Variants in RABL6 observed in about 807,000 individuals in gnomAD.
The protein encoded by RABL6 is RAB, member RAS oncogene family like 6.
In RABL6, 28 loss-of-function variants were observed where a neutral mutation model predicts 72.9. That is an observed-to-expected ratio of 0.38 (90% CI 0.28 to 0.53). RABL6 has a LOEUF of 0.53. RABL6 is among the 20% of genes least tolerant of loss of function. RABL6 has a pLI of 0.80. For synonymous variants in RABL6, 477 were observed against 421.2 expected (o/e 1.13, Z -1.62); for missense variants, 1,029 against 1,008.4 (o/e 1.02, Z -0.28).
chr9:136,812,691 C>A, intron 1 of RABL6: 1 of 255,996 alleles, frequency 3.9e-6, no homozygotes, highest in Admixed American at 4.1e-5. Context: ...TTGGAATGTC[C>A]TCAGAGAGCT....
At chr9:136,824,894 C>T (rs952538435) in intron 2 of RABL6, among the ~76,000 whole-genome samples, 2 of 152,236 alleles carry the variant, frequency 1.3e-5, no homozygotes, top group African/African-American at 4.8e-5. Flanking sequence ...TGGGGTGAGG[C>T]TGATGGCAGC....
intron 3 of RABL6, 80 bp downstream of exon 3, chr9:136,825,906 C>T (rs765284151): frequency 1.8e-4 from 265 of 1,497,268 alleles, no homozygotes; most frequent in Non-Finnish European, 2.1e-4. Context: ...TTTCCCCCGG[C>T]GCCCATGCAT....
chr9:136,818,378 A>ACAAAAC (rs1308596644), intron 1 of RABL6, among the ~76,000 whole-genome samples: 1 of 71,144 alleles, frequency 1.4e-5, no homozygotes, highest in Non-Finnish European at 2.6e-5. Context: ...AAAAAAAAAA[A>ACAAAAC]AAAAAAAAAA....
intron 8 of RABL6, chr9:136,837,039 A>G: frequency 2.4e-5 from 11 of 464,660 alleles, no homozygotes; most frequent in Non-Finnish European, 4.0e-5. Context: ...ACACCCGGCT[A>G]ATTTTTTTTG....
Position 136,840,834 on chromosome 9 carries a change from G to A in RABL6, c.*312G>A. On this transcript the variant is annotated 3_prime_UTR_variant, in exon 15 of 15. Coordinates refer to ENST00000311502, the MANE Select transcript of RABL6 (RefSeq NM_024718.5). ...TGTGACTGAGGCCCAGGAGGGACCT[G>A]TGAGGGTCTGTTTACAGAGGCTGGG... is the stretch of plus-strand genomic sequence containing the variant. 1 of 1,546,074 alleles carries A rather than the reference G, an allele frequency of 6.5e-7. No individual in the cohort carries two copies. Among genetic ancestry groups the A allele is most frequent in the East Asian group, 2.4e-5 (1 of 40,876 alleles).
chr9:136,832,446 G>A (rs750385378), intron 7 of RABL6, 76 bp downstream of exon 7: 3 of 1,194,720 alleles, frequency 2.5e-6, no homozygotes, highest in Non-Finnish European at 3.7e-6. Context: ...GTAGCAACGG[G>A]TCTCCCTCCT....
chr9:136,840,298 G>A (rs961953228), intron 14 of RABL6, 24 bp from the exon 15 acceptor site: 2 of 1,606,220 alleles, frequency 1.2e-6, no homozygotes, highest in Admixed American at 1.7e-5. Flanking sequence ...TGACTCCATG[G>A]CGCCCCATCC....
intron 1 of RABL6, among the ~76,000 whole-genome samples, chr9:136,819,440 A>G (rs1848194582): frequency 6.6e-6 from 1 of 152,198 alleles, no homozygotes; most frequent in Non-Finnish European, 1.5e-5. Context: ...ATAACATGGC[A>G]GCAGCAGTTG....
At chr9:136,823,489 T>C in intron 1 of RABL6, 36 bp from the exon 2 acceptor site, 1 of 1,611,372 alleles carries the variant, frequency 6.2e-7, no homozygotes, top group Non-Finnish European at 8.5e-7. Context: ...TTCGGTTCGT[T>C]TAATTTGCCT....
Position 136,821,926 on chromosome 9 carries a change from TGGAG to T in RABL6, c.131-1597_131-1594del, listed in dbSNP as rs910252004. ...GCCGTGAGGGCGCCTGGGTCCCCTC[TGGAG>T]GTTTTGCCGCAGCGCTGGCCGGCGC... is the stretch of plus-strand genomic sequence containing the variant. On this transcript the variant is annotated intron_variant, in intron 1 of 14. Transcript: ENST00000311502. 4.3e-5 allele frequency: 55 copies of T among 1,287,754 alleles called. No homozygotes were observed. The African/African-American group carries it at 7.9e-4, about 19-fold the overall frequency. The allele number at this position is 1,287,754 out of a possible 1,614,324, so 79.8% of individuals were successfully genotyped here. A position where few individuals can be genotyped will look rare whatever the true frequency, so the allele number is the denominator to read the frequency against.
intron 1 of RABL6, chr9:136,812,967 TC>T: frequency 2.8e-6 from 1 of 352,480 alleles, no homozygotes; most frequent in Non-Finnish European, 5.6e-6. Context: ...TACCTTTGTT[TC>T]CCTCAATTTC....
intron 4 of RABL6, among the ~76,000 whole-genome samples, chr9:136,829,153 A>T (rs1020254083): frequency 2.6e-5 from 4 of 152,226 alleles, no homozygotes; most frequent in Middle Eastern, 3.2e-3. Context: ...TGCTGTGATC[A>T]GTGGGAGGTC....
In RABL6 at chr9:136,841,187, G is replaced by A. The variant is rs1194953886; in HGVS notation, c.*665G>A. ...CCATAAAGCACTCCTGTTTCACTCT[G>A]CGTGTGTCTGTTCTTCTGCCTGTAC... On this transcript the variant is annotated 3_prime_UTR_variant, in exon 15 of 15. Transcript: ENST00000311502. 1 of 629,266 alleles carries A rather than the reference G, an allele frequency of 1.6e-6. No homozygotes were observed. Among genetic ancestry groups the A allele is most frequent in the Non-Finnish European group, 2.4e-6 (1 of 420,922 alleles). The allele number at this position is 629,266 out of a possible 1,614,324, so 39.0% of individuals were successfully genotyped here.
At chr9:136,822,496 G>T (rs368900153) in intron 1 of RABL6, among the ~76,000 whole-genome samples, 4 of 152,278 alleles carry the variant, frequency 2.6e-5, no homozygotes, top group African/African-American at 7.2e-5. Context: ...TGCTGCGTCC[G>T]CACAGCTTCT....
chr9:136,828,563 C>T lies in RABL6; in HGVS notation c.366+17C>T, dbSNP rs372227173. The T allele has an allele frequency of 3.7e-6, 6 of 1,611,776 alleles. No homozygotes were observed. The highest frequency in any genetic ancestry group is 1.7e-5 in the Admixed American group (1 of 59,980). ...CCCCAGGAGGTGAGTGCCAGGTACA[C>T]AGTGGGTAGCAGTGGCTCAGGGCCC... On this transcript the variant is annotated intron_variant, in intron 4 of 14. Transcript: ENST00000311502.
chr9:136,812,804 C>A (rs1037140399), intron 1 of RABL6: 9 of 371,218 alleles, frequency 2.4e-5, no homozygotes, highest in South Asian at 4.7e-5. Context: ...TGTCTTCTTT[C>A]CTTGTGGCTT....
At chr9:136,811,092 C>T (rs921751875) in intron 1 of RABL6, among the ~76,000 whole-genome samples, 1 of 152,174 alleles carries the variant, frequency 6.6e-6, no homozygotes, top group East Asian at 1.9e-4. Context: ...AAGTCAAACT[C>T]TGTCAAATAT....
intron 7 of RABL6, chr9:136,833,378 T>C (rs1588368247): frequency 3.1e-6 from 1 of 320,378 alleles, no homozygotes; most frequent in Non-Finnish European, 5.8e-6. Context: ...GACCTGAACC[T>C]CCTTGCCTGG....
chr9:136,830,533 C>G (rs964578071), intron 5 of RABL6, among the ~76,000 whole-genome samples: 3 of 152,272 alleles, frequency 2.0e-5, no homozygotes, highest in African/African-American at 7.2e-5. Context: ...GGCGCACACG[C>G]TGGCCTCACC....
Sources: gnomAD v4.1 joint callset for allele counts (sites outside exome capture counted in the v4.1 genomes callset) on GRCh38, gnomAD v4.1.1 for gene constraint, MANE v1.5 for transcripts, NCBI Gene and HGNC (gene_info 2026-07-23, HGNC 2026-07-21) for gene names.